MYO1H: variants seen among roughly 807,000 people sequenced by gnomAD.
MYO1H encodes myosin IH.
In MYO1H, 118 loss-of-function variants were observed where a neutral mutation model predicts 149.3. The ratio of observed to expected loss-of-function variants is 0.79; its 90% CI spans 0.68 to 0.92. The LOEUF is 0.92. MYO1H is among the 40% of genes least tolerant of loss of function. The pLI, the probability that MYO1H is intolerant of heterozygous loss-of-function variation, is 0.00. For synonymous variants in MYO1H, 447 were observed against 465.2 expected, an observed-to-expected ratio of 0.96 and a Z score of 0.50; for missense variants, 1,212 against 1,280.7, an observed-to-expected ratio of 0.95 and a Z score of 0.82.
chr12:109,311,160 G>C, the MYO1H span, among the ~76,000 whole-genome samples: 2 of 152,176 alleles, frequency 1.3e-5, no homozygotes, highest in Non-Finnish European at 2.9e-5. Context: ...TGTCTCTTCT[G>C]AAAGCTGATG....
rs1467936458 is a variant in MYO1H, at chr12:109,438,630, C to T, written c.2294+10C>T. ...TGCGGATTATCAGAAAGTAAGTTCT[C>T]AGGTACAACAGAGAGGACAGGTCAC... On this transcript the variant is annotated intron_variant, in intron 23 of 31. Coordinates refer to ENST00000310903, the Ensembl canonical transcript of MYO1H. 23 of 1,601,314 alleles carry T rather than the reference C, an allele frequency of 1.4e-5. No individual in the cohort carries two copies. The highest frequency in any genetic ancestry group is 1.9e-5 in the Non-Finnish European group (22 of 1,172,516).
rs1566044602 is a variant in MYO1H, at chr12:109,443,012, AT to A, written c.2689-501del. Among the ~76,000 whole-genome samples the A allele has an allele frequency of 3.0e-3, 149 of 50,200 alleles. 31 individuals are homozygous for A. The highest frequency in any genetic ancestry group is 4.2e-3 in the Non-Finnish European group (111 of 26,354). The allele number at this position is 50,200 out of a possible 152,430, so 32.9% of individuals were successfully genotyped here. ...AGAGAGCCAGGAAAAAAAAAAAAAT[AT>A]ATATATATATATATATGTGTGTGTG... On this transcript the variant is annotated intron_variant, in intron 27 of 31. Transcript: ENST00000310903.
At chr12:109,404,126 GA>G in intron 7 of MYO1H, 46 bp downstream of exon 7, 1 of 1,395,220 alleles carries the variant, frequency 7.2e-7, no homozygotes, top group Non-Finnish European at 1.0e-6. Context: ...TGGGACTGAG[GA>G]AACATTCCTA....
intron 1 of MYO1H, among the ~76,000 whole-genome samples, chr12:109,350,227 C>G (rs11066360): frequency 0.24 from 37,128 of 151,988 alleles, 5,145 homozygotes; most frequent in Admixed American, 0.34. Context: ...GCAGTTGCCT[C>G]TTCTCTCCAA....
the MYO1H span, among the ~76,000 whole-genome samples, chr12:109,342,394 C>G: frequency 6.6e-6 from 1 of 152,010 alleles, no homozygotes; most frequent in East Asian, 1.9e-4. Flanking sequence ...ATCTGCCCAC[C>G]TTGGCCTCCC....
intron 25 of MYO1H, 30 bp downstream of exon 25, chr12:109,440,857 GGTGGGGGT>G: frequency 6.8e-7 from 1 of 1,462,884 alleles, no homozygotes; most frequent in South Asian, 1.2e-5. Context: ...GGTGGCCGGT[GGTGGGGGT>G]GGGTGTAAGA....
chr12:109,346,438 A>C (rs544565068), upstream of MYO1H, among the ~76,000 whole-genome samples: 50 of 152,360 alleles, frequency 3.3e-4, 1 homozygote, highest in South Asian at 9.9e-3. Context: ...TTCAATTAAA[A>C]ATATATTTCA....
intron 31 of MYO1H, chr12:109,446,281 C>G (rs1872475593): frequency 1.0e-6 from 1 of 985,214 alleles, no homozygotes; most frequent in African/African-American, 1.7e-5. Flanking sequence ...GTGGTCCTCG[C>G]TGGCTGCTAG....
At chr12:109,435,421 T>C (rs1053622092) in intron 21 of MYO1H, among the ~76,000 whole-genome samples, 5 of 152,224 alleles carry the variant, frequency 3.3e-5, no homozygotes, top group African/African-American at 1.2e-4. Flanking sequence ...AATTAAAGTT[T>C]ACAAAACTTC....
chr12:109,383,591 C>T (rs1837286799), intron 1 of MYO1H, among the ~76,000 whole-genome samples: 1 of 152,208 alleles, frequency 6.6e-6, no homozygotes, highest in South Asian at 2.1e-4. Context: ...GTGGCTTGTC[C>T]ATTCAGCAAA....
the MYO1H span, among the ~76,000 whole-genome samples, chr12:109,323,218 A>G: frequency 3.3e-5 from 5 of 152,384 alleles, no homozygotes; most frequent in South Asian, 1.0e-3. Flanking sequence ...AATACCTTCT[A>G]GGTTTTTATC....
the MYO1H span, among the ~76,000 whole-genome samples, chr12:109,311,562 T>C: frequency 2.6e-5 from 4 of 152,342 alleles, no homozygotes; most frequent in East Asian, 7.7e-4. Context: ...TATTTTTTAA[T>C]AAGTGCCTCA....
upstream of MYO1H, among the ~76,000 whole-genome samples, chr12:109,347,193 T>A (rs1023429180): frequency 1.3e-5 from 2 of 152,122 alleles, no homozygotes; most frequent in African/African-American, 4.8e-5. Flanking sequence ...AGGCTCAAGT[T>A]TGGGGGCCCA....
At chr12:109,337,639 C>G in the MYO1H span, among the ~76,000 whole-genome samples, 1 of 152,068 alleles carries the variant, frequency 6.6e-6, no homozygotes, top group Non-Finnish European at 1.5e-5. Flanking sequence ...AGACCTGCCC[C>G]CATGATTCAA....
intron 16 of MYO1H, 49 bp from the exon 17 acceptor site, chr12:109,424,699 A>G: frequency 6.8e-7 from 1 of 1,467,444 alleles, no homozygotes; most frequent in Non-Finnish European, 9.5e-7. Context: ...ACAGCCCTGT[A>G]GTGATTTCTG....
intron 15 of MYO1H, among the ~76,000 whole-genome samples, chr12:109,417,484 C>T (rs370784991): frequency 1.3e-5 from 2 of 151,896 alleles, no homozygotes; most frequent in Admixed American, 6.6e-5. Context: ...CCCGCCACCA[C>T]ACCTGGATAA....
intron 1 of MYO1H, among the ~76,000 whole-genome samples, chr12:109,368,642 A>G (rs1249236203): frequency 1.1e-5 from 1 of 92,090 alleles, no homozygotes; most frequent in Non-Finnish European, 2.1e-5. Context: ...CTCCATCTTA[A>G]AAAAAAAAAA....
intron 16 of MYO1H, among the ~76,000 whole-genome samples, chr12:109,421,781 C>T (rs1162907345): frequency 4.6e-5 from 7 of 152,172 alleles, no homozygotes; most frequent in Non-Finnish European, 1.0e-4. Flanking sequence ...TTCCCAATCT[C>T]TTTGCCTTTC....
At chr12:109,377,812 G>C (rs983744375) in intron 1 of MYO1H, among the ~76,000 whole-genome samples, 8 of 152,092 alleles carry the variant, frequency 5.3e-5, no homozygotes, top group South Asian at 2.1e-4. Context: ...TTGTATAAAA[G>C]TAGAAAGAAT....
Sources: allele counts gnomAD v4.1 joint callset (sites outside exome capture counted in the v4.1 genomes callset), GRCh38; gene constraint gnomAD v4.1.1; transcripts MANE v1.5; gene names NCBI Gene and HGNC (gene_info 2026-07-23, HGNC 2026-07-21).